CUBN: variants seen among roughly 807,000 people sequenced by gnomAD.
CUBN encodes the protein 460 kDa receptor.
Under a neutral mutation model 405.3 loss-of-function variants are expected in CUBN, and 282 were observed. The observed-to-expected ratio is 0.70, with a 90% CI of 0.63 to 0.77. CUBN has a LOEUF of 0.77. Ranked by LOEUF, CUBN falls within the 30% of genes least tolerant of loss-of-function variation. The pLI, the probability that CUBN is intolerant of heterozygous loss-of-function variation, is 0.00. For missense variants in CUBN, 4,514 were observed against 4,475.2 expected, an observed-to-expected ratio of 1.01 and a Z score of -0.25; for synonymous variants, 1,684 against 1,617.0, an observed-to-expected ratio of 1.04 and a Z score of -0.99.
At chr10:16,828,156 AC>A (rs1838847486) in intron 66 of CUBN, among the ~76,000 whole-genome samples, 2 of 149,400 alleles carry the variant, frequency 1.3e-5, no homozygotes, top group African/African-American at 4.9e-5. Context: ...CACTGACGTC[AC>A]AGAGGGAGCT....
At chr10:17,067,772 G>A (rs1312345793) in intron 21 of CUBN, among the ~76,000 whole-genome samples, 1 of 152,126 alleles carries the variant, frequency 6.6e-6, no homozygotes, top group Admixed American at 6.6e-5. Flanking sequence ...TTTCCTGTGG[G>A]TGGGGGTGAG....
chr10:16,886,625 C>T (rs1840822705), intron 56 of CUBN, among the ~76,000 whole-genome samples: 1 of 152,192 alleles, frequency 6.6e-6, no homozygotes, highest in African/African-American at 2.4e-5. Flanking sequence ...CTACTGTTCC[C>T]TCTGCCAACG....
chr10:16,864,348 C>G (rs1840102284), intron 59 of CUBN, among the ~76,000 whole-genome samples: 1 of 152,066 alleles, frequency 6.6e-6, no homozygotes, highest in South Asian at 2.1e-4. Flanking sequence ...TGATCCCTGC[C>G]CACCCCACCC....
At position 16,874,479 on chromosome 10, in the gene CUBN, G is replaced by A. The variant is rs746381697; in HGVS notation, c.9131C>T (p.Ser3044Phe). The A allele has an allele frequency of 6.2e-7, 1 of 1,614,098 alleles. No homozygotes were observed. The highest frequency in any genetic ancestry group is 8.5e-7 in the Non-Finnish European group (1 of 1,179,992). ...GGCAGGACTTGTGATGATTCCAGAA[G>A]AGAAATTGAACACACCACCACAGGC... Reference protein sequence around the residue: ...IISCGGVFNFSSGIITSPAYS... With the variant: ...IISCGGVFNFFSGIITSPAYS... The change falls in exon 58 of 67, where the codon TCT becomes TTT. Residue 3044 changes from serine to phenylalanine, a missense_variant. By Grantham distance (155) the Ser-to-Phe change is radical (BLOSUM62 -2). Transcript: ENST00000377833.
At position 16,952,372 on chromosome 10, in the gene CUBN, G is replaced by A. The variant is rs201801709; in HGVS notation, c.4873C>T (p.Leu1625Phe). The A allele has an allele frequency of 4.8e-5, 78 of 1,612,686 alleles. No individual in the cohort carries two copies. In the African/African-American group the frequency reaches 9.3e-4, roughly 19 times the overall value. ...QFRQACGGHI[L>F]TSSFDTVSSP... The stretch of plus-strand genomic sequence containing the variant: ...GAAACAGTATCAAATGAGCTGGTGA[G>A]GATGTGGCCTCCGCAGGCTGGGGAA... The change falls in exon 33 of 67, where the codon CTC becomes TTC. Residue 1625 changes from leucine (L) to phenylalanine (F), a missense_variant. Transcript: ENST00000377833.
At chr10:16,951,885 G>T (rs1842930570) in intron 33 of CUBN, among the ~76,000 whole-genome samples, 2 of 152,056 alleles carry the variant, frequency 1.3e-5, no homozygotes, top group African/African-American at 4.8e-5. Flanking sequence ...CAACTGTCTT[G>T]AACATCAGCT....
intron 31 of CUBN, among the ~76,000 whole-genome samples, chr10:16,978,337 T>C (rs1275892079): frequency 6.6e-6 from 1 of 152,190 alleles, no homozygotes; most frequent in African/African-American, 2.4e-5. Flanking sequence ...AACTTCACAC[T>C]ACCTCATGAA....
intron 59 of CUBN, among the ~76,000 whole-genome samples, chr10:16,863,130 C>A (rs1216128407): frequency 6.6e-6 from 1 of 152,176 alleles, no homozygotes; most frequent in Non-Finnish European, 1.5e-5. Flanking sequence ...TTGTTGGTTT[C>A]TTTATCCCGT....
intron 28 of CUBN, among the ~76,000 whole-genome samples, chr10:16,997,582 C>T (rs1182537326): frequency 6.6e-6 from 1 of 152,094 alleles, no homozygotes; most frequent in Non-Finnish European, 1.5e-5. Context: ...GCAAAGTGAA[C>T]TATTTCCTGG....
chr10:16,886,022 A>G (rs1840802588), intron 56 of CUBN, among the ~76,000 whole-genome samples: 1 of 152,224 alleles, frequency 6.6e-6, no homozygotes, highest in Non-Finnish European at 1.5e-5. Flanking sequence ...AAATTGGATC[A>G]TCTTATACAA....
chr10:16,948,658 C>A (rs939442820), intron 34 of CUBN, 52 bp from the exon 35 acceptor site: 2 of 1,606,996 alleles, frequency 1.2e-6, no homozygotes, highest in Non-Finnish European at 1.7e-6. Context: ...TGGCAGAGAC[C>A]GCTGTTTCTA....
intron 28 of CUBN, among the ~76,000 whole-genome samples, chr10:16,997,964 G>A (rs1833780437): frequency 6.6e-6 from 1 of 152,144 alleles, no homozygotes; most frequent in African/African-American, 2.4e-5. Flanking sequence ...CAGATAGCAT[G>A]TATTCTGTGA....
intron 38 of CUBN, among the ~76,000 whole-genome samples, chr10:16,938,425 C>A (rs556385991): frequency 1.3e-4 from 20 of 152,092 alleles, no homozygotes; most frequent in Non-Finnish European, 2.9e-4. Context: ...CTCTACCAAA[C>A]AAATTATGTA....
rs182365306 is a variant in CUBN at position 16,893,619 on chromosome 10, G to C, written c.8599-3092C>G. Among the ~76,000 whole-genome samples the C allele has an allele frequency of 4.5e-4, 69 of 152,284 alleles. 1 individual carries two copies. Among genetic ancestry groups the C allele is most frequent in the Non-Finnish European group, 4.4e-4 (30 of 68,004 alleles). ...AAAATATTATATAAATGGAACAGCA[G>C]AGTATGTAATCTTTGGAGGCTGCCT... On this transcript the variant is annotated intron_variant, in intron 54 of 66. Coordinates refer to ENST00000377833, the MANE Select transcript of CUBN (RefSeq NM_001081.4).
In CUBN at chr10:17,047,582, T is replaced by C. The variant is rs1677532616; in HGVS notation, c.3161A>G (p.Asp1054Gly). Reference protein sequence around the residue: ...AATACLQDYTDDLGTFTSPNF... With the variant: ...AATACLQDYTGDLGTFTSPNF... The stretch of plus-strand genomic sequence containing the variant: ...TGGAGAAGTGAATGTCCCCAAATCA[T>C]CTGTGTAGTCTTGCAAACATGCTGT... The change falls in exon 23 of 67, where the codon GAT becomes GGT. Residue 1054 changes from aspartate (D) to glycine (G), a missense_variant. By Grantham distance (94) the Asp-to-Gly change is moderately conservative. Transcript: ENST00000377833. 6.2e-7 allele frequency: 1 copy of C among 1,613,946 alleles called. No homozygotes were observed. The highest frequency in any genetic ancestry group is 1.3e-5 in the African/African-American group (1 of 74,928).
Position 17,085,362 on chromosome 10 carries a change from T to C in CUBN, c.2110+235A>G, listed in dbSNP as rs17139747. 0.062 allele frequency among the ~76,000 whole-genome samples: 9,490 copies of C among 152,238 alleles called. 436 individuals carry two copies. Among genetic ancestry groups the C allele is most frequent in the East Asian group, 0.19 (958 of 5,172 alleles). On this transcript the variant is annotated intron_variant, in intron 16 of 66. Transcript: ENST00000377833. Reference sequence around the variant, plus strand: ...TATTTAAGTTTGGGTGCCTCATACATCTTTATCATGATGTGGATCCCATAA... The same window carrying C: ...TATTTAAGTTTGGGTGCCTCATACACCTTTATCATGATGTGGATCCCATAA...
At chr10:16,952,597 C>G (rs1842950327) in intron 32 of CUBN, among the ~76,000 whole-genome samples, 1 of 152,152 alleles carries the variant, frequency 6.6e-6, no homozygotes. Flanking sequence ...TCTTCAACTA[C>G]AGGAAGTAGG....
At position 16,925,221 on chromosome 10, in the gene CUBN, T is replaced by A; in HGVS notation, c.6646+20A>T. The A allele has an allele frequency of 6.3e-7, 1 of 1,595,888 alleles. No individual in the cohort carries two copies. The highest frequency in any genetic ancestry group is 8.6e-7 in the Non-Finnish European group (1 of 1,163,686). On this transcript the variant is annotated intron_variant, in intron 43 of 66. Coordinates refer to ENST00000377833, the MANE Select transcript of CUBN (RefSeq NM_001081.4). The stretch of plus-strand genomic sequence containing the variant: ...GCAATTGCAGGAAAAGCAGATATAA[T>A]TCTCAGTGAAAATACTTACCTAAAC...
intron 31 of CUBN, among the ~76,000 whole-genome samples, chr10:16,978,039 T>C (rs1271029760): frequency 1.3e-5 from 2 of 152,220 alleles, no homozygotes; most frequent in African/African-American, 4.8e-5. Flanking sequence ...GCACGAGAAA[T>C]ACAAGATTCA....
Sources: allele counts gnomAD v4.1 joint callset (sites outside exome capture counted in the v4.1 genomes callset), GRCh38; gene constraint gnomAD v4.1.1; transcripts MANE v1.5; gene names NCBI Gene and HGNC (gene_info 2026-07-23, HGNC 2026-07-21).